The following ANKRD36 variants were observed in gnomAD, a reference collection of about 807,000 sequenced individuals.
ANKRD36 encodes ankyrin repeat domain 36, also known as ankyrin repeat domain-containing protein 36A.
ANKRD36 carries 179 observed loss-of-function variants against 278.1 expected under a neutral mutation model. That is an observed-to-expected ratio of 0.64 (90% CI 0.57 to 0.73). The LOEUF (loss-of-function observed/expected upper bound fraction) is 0.73. Ranked by LOEUF, ANKRD36 falls within the 30% of genes least tolerant of loss-of-function variation. The pLI is 0.00. For synonymous variants in ANKRD36, 320 were observed against 641.1 expected (o/e 0.50, Z 7.57); for missense variants, 1,159 against 1,956.7 (o/e 0.59, Z 7.69).
At chr2:97,205,382 T>C (rs1435602203) in intron 50 of ANKRD36, among the ~76,000 whole-genome samples, 1 of 151,590 alleles carries the variant, frequency 6.6e-6, no homozygotes, top group Non-Finnish European at 1.5e-5. Flanking sequence ...GAATATTATG[T>C]ACTAGGTATC....
At chr2:97,187,494 G>GGGGGGT in intron 32 of ANKRD36, 93 bp downstream of exon 32, 13 of 95,510 alleles carry the variant, frequency 1.4e-4, no homozygotes, top group South Asian at 4.1e-4. Flanking sequence ...GGGTGGGGGG[G>GGGGGGT]CTCGCCGAAG....
chr2:97,193,571 A>G (rs2059011055), intron 38 of ANKRD36, among the ~76,000 whole-genome samples: 1 of 149,744 alleles, frequency 6.7e-6, no homozygotes, highest in South Asian at 2.1e-4. Context: ...GTTTCTGCTG[A>G]GGAAACCTGA....
chr2:97,142,836 G>T lies in ANKRD36; in HGVS notation c.901+1G>T, dbSNP rs767222137. 4.1e-5 allele frequency: 64 copies of T among 1,557,548 alleles called. 4 individuals carry two copies. The Admixed American group carries it at 1.2e-3, about 30-fold the overall frequency. Reference sequence around the variant, plus strand: ...AAGGATGGACAAAAATCTGGGACAGGTATTTTGGAATACACATTTAATGTC... The same window carrying T: ...AAGGATGGACAAAAATCTGGGACAGTTATTTTGGAATACACATTTAATGTC... On this transcript the variant is annotated splice_donor_variant, in intron 8 of 75. Coordinates refer to ENST00000420699, the MANE Select transcript of ANKRD36 (RefSeq NM_001354587.1). LOFTEE classifies it high-confidence loss of function.
intron 5 of ANKRD36, among the ~76,000 whole-genome samples, chr2:97,126,165 T>G (rs1574594430): frequency 7.4e-6 from 1 of 134,406 alleles, no homozygotes; most frequent in East Asian, 2.1e-4. Context: ...TTAGTATGTA[T>G]CTTGGAAATG....
At chr2:97,137,149 A>G (rs910933932) in intron 6 of ANKRD36, among the ~76,000 whole-genome samples, 1 of 149,990 alleles carries the variant, frequency 6.7e-6, no homozygotes, top group Non-Finnish European at 1.5e-5. Context: ...AAAGTTCATA[A>G]TTTTTTTTTT....
At chr2:97,226,765 C>G (rs1252242388) in intron 67 of ANKRD36, among the ~76,000 whole-genome samples, 3 of 151,516 alleles carry the variant, frequency 2.0e-5, no homozygotes, top group African/African-American at 7.3e-5. Context: ...TTAGGTCTAA[C>G]GTTTAAGCCT....
At position 97,113,339 on chromosome 2, in the gene ANKRD36, T is replaced by C. The variant is rs2034086696; in HGVS notation, c.-401T>C. Among the ~76,000 whole-genome samples the C allele has an allele frequency of 1.3e-5, 2 of 152,120 alleles. No individual in the cohort carries two copies. The highest frequency in any genetic ancestry group is 4.2e-4 in the South Asian group (2 of 4,804). ...GCACCACTCAACCCCATCCCTGGGC[T>C]GCAGAGGGCCCAGCGCGGGGGACTC... On this transcript the variant is annotated 5_prime_UTR_variant, in exon 1 of 76. Coordinates refer to ENST00000420699, the MANE Select transcript of ANKRD36 (RefSeq NM_001354587.1).
intron 75 of ANKRD36, among the ~76,000 whole-genome samples, chr2:97,256,263 A>G (rs1244225359): frequency 8.7e-5 from 13 of 149,116 alleles, no homozygotes; most frequent in African/African-American, 2.7e-4. Flanking sequence ...AGGCTGAGGT[A>G]GGAGAATTGC....
Position 97,189,294 on chromosome 2 carries a change from A to G in ANKRD36, c.2245+4A>G. On this transcript the variant is annotated splice_donor_region_variant and intron_variant, in intron 34 of 75. Transcript: ENST00000420699. ...GATGGAGAAAAATCTGGGACAGGTA[A>G]TTTTGCAAAACACATTCAATGTCAT... 1 of 704,490 alleles carries G rather than the reference A, an allele frequency of 1.4e-6. No homozygotes were observed. Among genetic ancestry groups the G allele is most frequent in the East Asian group, 2.9e-5 (1 of 34,144 alleles). 43.6% of individuals were successfully genotyped at this position (704,490 alleles called of 1,614,324 possible). A position where few individuals can be genotyped will look rare whatever the true frequency, so the allele number is the denominator to read the frequency against.
chr2:97,156,731 T>C (rs2047554059), intron 15 of ANKRD36, among the ~76,000 whole-genome samples: 1 of 143,316 alleles, frequency 7.0e-6, no homozygotes, highest in African/African-American at 2.6e-5. Context: ...TTTGGGTATA[T>C]ACCCAGTAAT....
intron 1 of ANKRD36, among the ~76,000 whole-genome samples, chr2:97,117,435 A>G (rs1264847686): frequency 6.6e-6 from 1 of 152,066 alleles, no homozygotes; most frequent in Non-Finnish European, 1.5e-5. Flanking sequence ...TTTATATATC[A>G]ATAAGATAAT....
chr2:97,158,279 G>A, intron 16 of ANKRD36, 112 bp downstream of exon 16: 2 of 1,288,414 alleles, frequency 1.6e-6, no homozygotes, highest in South Asian at 1.4e-5. Context: ...CCAGGCTGGA[G>A]TGCAGTGGCA....
chr2:97,206,637 T>C (rs1402430138), intron 52 of ANKRD36, among the ~76,000 whole-genome samples: 2 of 151,416 alleles, frequency 1.3e-5, no homozygotes, highest in African/African-American at 2.4e-5. Flanking sequence ...TTTATATAAT[T>C]TTGGGGTTTC....
chr2:97,116,998 G>T (rs1331274115), intron 1 of ANKRD36, among the ~76,000 whole-genome samples: 1 of 150,600 alleles, frequency 6.6e-6, no homozygotes, highest in Non-Finnish European at 1.5e-5. Flanking sequence ...AGCAAGCTGA[G>T]ATTTAAAATG....
chr2:97,123,394 GT>G (rs2037478361), intron 4 of ANKRD36, among the ~76,000 whole-genome samples: 1 of 98,030 alleles, frequency 1.0e-5, no homozygotes. Flanking sequence ...TTTTGATGTT[GT>G]TTTTAATTGA....
At chr2:97,211,419 G>C (rs1390026778) in intron 56 of ANKRD36, 127 bp from the exon 57 acceptor site, 29 of 1,423,226 alleles carry the variant, frequency 2.0e-5, no homozygotes, top group Admixed American at 1.0e-4. Flanking sequence ...CAGACACAAA[G>C]TAGAAGCCGT....
intron 12 of ANKRD36, among the ~76,000 whole-genome samples, chr2:97,150,856 T>C (rs545778288): frequency 9.1e-4 from 138 of 152,200 alleles, no homozygotes; most frequent in African/African-American, 3.0e-3. Flanking sequence ...AGGTGTTAAG[T>C]TGCTGGAATT....
chr2:97,134,331 G>C (rs1247349807), intron 6 of ANKRD36, among the ~76,000 whole-genome samples: 2 of 151,986 alleles, frequency 1.3e-5, no homozygotes, highest in Non-Finnish European at 2.9e-5. Flanking sequence ...TAATGGGGAG[G>C]GTTGAGGAAA....
rs371165977 is a variant in ANKRD36, at chr2:97,137,935, T to C, written c.800-4705T>C. ...GAGAAGTGTCTGTTCATATCCTTTG[T>C]CCACTTTTTGATGAGATCGTTTGTT... On this transcript the variant is annotated intron_variant, in intron 6 of 75. Coordinates refer to ENST00000420699, the MANE Select transcript of ANKRD36 (RefSeq NM_001354587.1). Among the ~76,000 whole-genome samples, 9 of 152,072 alleles carry C rather than the reference T, an allele frequency of 5.9e-5. 1 individual carries two copies. Among genetic ancestry groups the C allele is most frequent in the Non-Finnish European group, 1.0e-4 (7 of 68,014 alleles).
Sources: allele counts gnomAD v4.1 joint callset (sites outside exome capture counted in the v4.1 genomes callset), GRCh38; gene constraint gnomAD v4.1.1; transcripts MANE v1.5; gene names NCBI Gene and HGNC (gene_info 2026-07-23, HGNC 2026-07-21).